Variants in NCKIPSD observed in about 807,000 individuals in gnomAD.
NCKIPSD encodes NCK-interacting protein with SH3 domain.
Under a neutral mutation model 73.4 loss-of-function variants are expected in NCKIPSD, and 48 were observed. The ratio of observed to expected loss-of-function variants is 0.65; its 90% CI spans 0.52 to 0.83. The LOEUF is 0.83. Among genes scored for constraint, NCKIPSD ranks in the 40% least tolerant of loss-of-function variants. The pLI, the probability that NCKIPSD is intolerant of heterozygous loss-of-function variation, is 0.00. For missense variants in NCKIPSD, 884 were observed against 970.2 expected (o/e 0.91, Z 1.18); for synonymous variants, 422 against 403.6 (o/e 1.05, Z -0.54).
intron 12 of NCKIPSD, among the ~76,000 whole-genome samples, chr3:48,676,681 A>G (rs543962998): frequency 3.1e-4 from 47 of 152,124 alleles, no homozygotes; most frequent in African/African-American, 1.1e-3. Context: ...CAGGTTATAC[A>G]GAGGTCTCAC....
chr3:48,674,312 TA>T lies in NCKIPSD; in HGVS notation c.*231del. 7.2e-7 allele frequency: 1 copy of T among 1,393,332 alleles called. No individual in the cohort carries two copies. The allele number at this position is 1,393,332 out of a possible 1,614,324, so 86.3% of individuals were successfully genotyped here. On this transcript the variant is annotated 3_prime_UTR_variant, in exon 13 of 13. Coordinates refer to ENST00000294129, the MANE Select transcript of NCKIPSD (RefSeq NM_016453.4). The stretch of plus-strand genomic sequence containing the variant: ...ATGCTGAAGAGGAAGCCTACCAGGG[TA>T]TAGAGGGGCTTTAGCTTGCATATTC...
chr3:48,679,939 G>T (rs1385662403), intron 6 of NCKIPSD, 52 bp from the exon 7 acceptor site: 2 of 1,612,406 alleles, frequency 1.2e-6, no homozygotes, highest in Admixed American at 3.3e-5. Flanking sequence ...GAGCTGTGCA[G>T]CCGCACAAGA....
intron 12 of NCKIPSD, among the ~76,000 whole-genome samples, chr3:48,677,121 G>A (rs1033247299): frequency 1.3e-4 from 20 of 150,362 alleles, no homozygotes; most frequent in African/African-American, 4.9e-4. Flanking sequence ...AGGCACGGTG[G>A]CTCACACCTG....
intron 5 of NCKIPSD, 111 bp downstream of exon 5, chr3:48,681,176 G>C (rs751172269): frequency 6.9e-7 from 1 of 1,446,138 alleles, no homozygotes; most frequent in African/African-American, 1.4e-5. Context: ...AGCACAGTAA[G>C]AGCTCAGAGC....
chr3:48,681,104 T>C, intron 5 of NCKIPSD, 183 bp downstream of exon 5: 1 of 941,524 alleles, frequency 1.1e-6, no homozygotes. Context: ...AGGCTGCGCA[T>C]CTGCCTGGAA....
intron 1 of NCKIPSD, among the ~76,000 whole-genome samples, chr3:48,684,192 GCA>G (rs1207186104): frequency 6.6e-6 from 1 of 152,108 alleles, no homozygotes; most frequent in Non-Finnish European, 1.5e-5. Context: ...AGGCAGAGAG[GCA>G]CAGAGTCGCA....
chr3:48,682,150 G>A lies in NCKIPSD; in HGVS notation c.493C>T (p.Leu165Phe), dbSNP rs142658570. The change falls in exon 4 of 13, where the codon CTT (leucine) becomes TTT (phenylalanine). Residue 165 changes from leucine to phenylalanine, a missense_variant. Transcript: ENST00000294129. ...GADGGLYQIP[L>F]PSSQIPPQPR... ...TGTGGTGGGATCTGGGAAGATGGAA[G>A]TGGGATCTGGAAGATGGAAGTAGGA... is the stretch of plus-strand genomic sequence containing the variant. 1.3e-6 allele frequency: 2 copies of A among 1,597,260 alleles called. No homozygotes were observed. The highest frequency in any genetic ancestry group is 1.7e-6 in the Non-Finnish European group (2 of 1,178,282).
intron 1 of NCKIPSD, among the ~76,000 whole-genome samples, chr3:48,683,653 TGA>T (rs2077390001): frequency 1.3e-5 from 2 of 152,030 alleles, no homozygotes; most frequent in Admixed American, 1.3e-4. Context: ...AGGATAAACA[TGA>T]GAGAGGGGCC....
chr3:48,680,898 A>C (rs1218764271), intron 5 of NCKIPSD, among the ~76,000 whole-genome samples: 1 of 151,760 alleles, frequency 6.6e-6, no homozygotes, highest in African/African-American at 2.4e-5. Flanking sequence ...CACTACCCTC[A>C]CCCACGCCGT....
chr3:48,678,961 G>T lies in NCKIPSD; in HGVS notation c.1708C>A (p.Gln570Lys). The T allele has an allele frequency of 6.2e-7, 1 of 1,614,092 alleles. No homozygotes were observed. The highest frequency in any genetic ancestry group is 1.1e-5 in the South Asian group (1 of 91,078). The change falls in exon 11 of 13, where the codon CAG (glutamine) becomes AAG (lysine). Residue 570 changes from glutamine to lysine, a missense_variant. Gln to Lys is a moderately conservative substitution (Grantham distance 53). Coordinates refer to ENST00000294129, the MANE Select transcript of NCKIPSD (RefSeq NM_016453.4). ...ALNLHLPAADQNVIMAALSKH... is the reference protein window; with the variant it reads ...ALNLHLPAADKNVIMAALSKH... ...CTCAGGGCAGCCATGATGACATTCT[G>T]GTCAGCAGCTAAGGAAGGACATGGG...
intron 2 of NCKIPSD, 55 bp from the exon 3 acceptor site, chr3:48,682,607 T>C (rs1476074303): frequency 1.3e-6 from 2 of 1,584,156 alleles, no homozygotes; most frequent in African/African-American, 2.7e-5. Context: ...CTCAAAGTCC[T>C]CATATGCCCC....
chr3:48,678,779 G>A, intron 11 of NCKIPSD, 43 bp from the exon 12 acceptor site: 1 of 1,611,130 alleles, frequency 6.2e-7, no homozygotes, highest in South Asian at 1.1e-5. Flanking sequence ...ACCTTGTGGG[G>A]ATCCCAGAGT....
At chr3:48,683,665 C>T (rs191543493) in intron 1 of NCKIPSD, among the ~76,000 whole-genome samples, 5 of 152,290 alleles carry the variant, frequency 3.3e-5, no homozygotes. Context: ...AGAGAGGGGC[C>T]TAGCCCCTGT....
intron 12 of NCKIPSD, among the ~76,000 whole-genome samples, chr3:48,678,262 C>T (rs962877647): frequency 6.6e-6 from 1 of 152,202 alleles, no homozygotes; most frequent in Non-Finnish European, 1.5e-5. Context: ...ATGTTAATCA[C>T]ATCACATTCC....
intron 1 of NCKIPSD, 127 bp downstream of exon 1, chr3:48,685,510 C>T (rs2077422787): frequency 8.1e-7 from 1 of 1,236,176 alleles, no homozygotes; most frequent in African/African-American, 1.6e-5. Flanking sequence ...GGTTCTCAAA[C>T]TCCCTGTCTG....
In NCKIPSD at chr3:48,674,278, G is replaced by A. The variant is rs761648528; in HGVS notation, c.*266C>T. 7.3e-5 allele frequency: 98 copies of A among 1,343,616 alleles called. No homozygotes were observed. Among genetic ancestry groups the A allele is most frequent in the Middle Eastern group, 5.7e-4 (2 of 3,496 alleles). The allele number at this position is 1,343,616 out of a possible 1,614,324, so 83.2% of individuals were successfully genotyped here. On this transcript the variant is annotated 3_prime_UTR_variant, in exon 13 of 13. Coordinates refer to ENST00000294129, the MANE Select transcript of NCKIPSD (RefSeq NM_016453.4). The stretch of plus-strand genomic sequence containing the variant: ...AGTGTACACATGGGTGTGGGGTGAA[G>A]AGGGGGGCATGCTGAAGAGGAAGCC...
At position 48,678,617 on chromosome 3, in the gene NCKIPSD, C is replaced by G; in HGVS notation, c.1912G>C (p.Ala638Pro). The change falls in exon 12 of 13, where the codon GCT becomes CCT. Residue 638 changes from alanine (A) to proline (P), a missense_variant. By Grantham distance (27) the Ala-to-Pro change is conservative. Coordinates refer to ENST00000294129, the MANE Select transcript of NCKIPSD (RefSeq NM_016453.4). ...AAIFYHTDMM[A>P]LIDITVRHIA... ...TGCCGCACAGTGATGTCAATGAGAG[C>G]CATCATGTCTGTGTGGTAGAAGATG... The G allele has an allele frequency of 6.2e-7, 1 of 1,614,190 alleles. No homozygotes were observed. Among genetic ancestry groups the G allele is most frequent in the Non-Finnish European group, 8.5e-7 (1 of 1,180,014 alleles).
At chr3:48,678,476 C>A in intron 12 of NCKIPSD, 88 bp downstream of exon 12, 2 of 1,454,090 alleles carry the variant, frequency 1.4e-6, no homozygotes, top group Non-Finnish European at 1.8e-6. Context: ...TGGCCTTGCC[C>A]CCTCATCTCC....
chr3:48,680,365 G>A (rs2077331326), intron 5 of NCKIPSD, 136 bp from the exon 6 acceptor site: 4 of 991,554 alleles, frequency 4.0e-6, no homozygotes, highest in Admixed American at 6.3e-5. Context: ...CACTGGACAG[G>A]AGGCTCAACT....
Sources: gnomAD v4.1 joint callset for allele counts (sites outside exome capture counted in the v4.1 genomes callset) on GRCh38, gnomAD v4.1.1 for gene constraint, MANE v1.5 for transcripts, NCBI Gene and HGNC (gene_info 2026-07-23, HGNC 2026-07-21) for gene names.